EHBP1: variants seen among roughly 807,000 people sequenced by gnomAD.
EHBP1 encodes EH domain binding protein 1.
EHBP1 carries 55 observed loss-of-function variants against 144.0 expected under a neutral mutation model. The ratio of observed to expected loss-of-function variants is 0.38; its 90% CI spans 0.31 to 0.48. The LOEUF is 0.48. Among genes scored for constraint, EHBP1 ranks in the 20% least tolerant of loss-of-function variants. The pLI, the probability that EHBP1 is intolerant of heterozygous loss-of-function variation, is 0.98. For synonymous variants in EHBP1, 469 were observed against 472.7 expected (o/e 0.99, Z 0.10); for missense variants, 1,200 against 1,364.2 (o/e 0.88, Z 1.90).
At chr2:62,731,695 C>T (rs533796558) in intron 2 of EHBP1, among the ~76,000 whole-genome samples, 1 of 152,186 alleles carries the variant, frequency 6.6e-6, no homozygotes, top group African/African-American at 2.4e-5. Context: ...TGATGGATTA[C>T]AATGATTTTT....
intron 10 of EHBP1, among the ~76,000 whole-genome samples, chr2:62,924,578 C>T (rs887398173): frequency 6.6e-6 from 1 of 152,118 alleles, no homozygotes; most frequent in Non-Finnish European, 1.5e-5. Flanking sequence ...CTATGAATGA[C>T]TTTATGACAA....
At position 62,874,329 on chromosome 2, in the gene EHBP1, ATTC is replaced by A. The variant is rs1461408618; in HGVS notation, c.999-11_999-9del. The A allele has an allele frequency of 6.6e-7, 1 of 1,524,018 alleles. No individual in the cohort carries two copies. Among genetic ancestry groups the A allele is most frequent in the Non-Finnish European group, 8.9e-7 (1 of 1,126,510 alleles). 94.4% of individuals were successfully genotyped at this position (1,524,018 alleles called of 1,614,324 possible). A position where few individuals can be genotyped will look rare whatever the true frequency, so the allele number is the denominator to read the frequency against. ...ATTTTTTGAGAGACATCTAACAATA[ATTC>A]TTCTTTCACTTAGATCAAATCCTTT... On this transcript the variant is annotated splice_polypyrimidine_tract_variant and intron_variant, in intron 9 of 22. Transcript: ENST00000431489.
At chr2:62,692,064 T>C (rs1051057552) in intron 1 of EHBP1, among the ~76,000 whole-genome samples, 2 of 152,194 alleles carry the variant, frequency 1.3e-5, no homozygotes, top group Admixed American at 1.3e-4. Flanking sequence ...AACTCCTTCA[T>C]GTGCCTGAAC....
At chr2:62,954,726 A>G (rs1257681941) in intron 13 of EHBP1, among the ~76,000 whole-genome samples, 1 of 152,158 alleles carries the variant, frequency 6.6e-6, no homozygotes, top group African/African-American at 2.4e-5. Flanking sequence ...CTTATGATTG[A>G]ACCAAAACTA....
chr2:62,968,311 T>A (rs1211398328), intron 14 of EHBP1, among the ~76,000 whole-genome samples: 1 of 152,178 alleles, frequency 6.6e-6, no homozygotes, highest in Admixed American at 6.5e-5. Flanking sequence ...TAAAGGGTTC[T>A]TTGGGTGGCT....
intron 2 of EHBP1, among the ~76,000 whole-genome samples, chr2:62,718,285 T>A (rs1349314793): frequency 6.6e-6 from 1 of 152,226 alleles, no homozygotes; most frequent in Non-Finnish European, 1.5e-5. Flanking sequence ...TTTTGTGCTG[T>A]CTAGTACAGA....
intron 2 of EHBP1, among the ~76,000 whole-genome samples, chr2:62,725,083 C>T (rs1205374962): frequency 6.6e-6 from 1 of 152,212 alleles, no homozygotes; most frequent in Non-Finnish European, 1.5e-5. Context: ...AACTCCTGGA[C>T]TGTGTGCTCT....
intron 7 of EHBP1, among the ~76,000 whole-genome samples, chr2:62,842,535 C>A (rs1013740884): frequency 1.3e-5 from 2 of 152,026 alleles, no homozygotes; most frequent in Admixed American, 6.6e-5. Flanking sequence ...ACATTCAGAC[C>A]GTAATATACC....
intron 1 of EHBP1, among the ~76,000 whole-genome samples, chr2:62,684,121 G>A (rs71422358): frequency 0.017 from 2,563 of 152,304 alleles, 29 homozygotes; most frequent in Non-Finnish European, 0.026. Context: ...GAGAGTATAT[G>A]GGTGTGCACA....
chr2:63,021,049 C>T (rs2153276816), intron 19 of EHBP1, among the ~76,000 whole-genome samples: 1 of 144,030 alleles, frequency 6.9e-6, no homozygotes, highest in African/African-American at 2.6e-5. Flanking sequence ...TCTCAAACTC[C>T]TGGACTCGTG....
chr2:62,830,523 T>C (rs2046754326), intron 6 of EHBP1, among the ~76,000 whole-genome samples: 1 of 152,190 alleles, frequency 6.6e-6, no homozygotes. Context: ...TTTGTTTGAC[T>C]TCCTTGTAGA....
intron 3 of EHBP1, among the ~76,000 whole-genome samples, chr2:62,759,489 TCCAC>T: frequency 6.6e-6 from 1 of 152,268 alleles, no homozygotes; most frequent in Non-Finnish European, 1.5e-5. Flanking sequence ...CACTGTAGCC[TCCAC>T]CTCCCTGGTT....
intron 5 of EHBP1, among the ~76,000 whole-genome samples, chr2:62,817,793 AAG>A (rs142317859): frequency 0.085 from 12,948 of 152,132 alleles, 714 homozygotes; most frequent in Non-Finnish European, 0.12. Flanking sequence ...AAATTGAAAA[AAG>A]AGGTTTATTA....
chr2:62,946,768 A>G (rs1231528630), intron 12 of EHBP1, among the ~76,000 whole-genome samples: 2 of 152,230 alleles, frequency 1.3e-5, no homozygotes, highest in Non-Finnish European at 2.9e-5. Flanking sequence ...AAAGTCCTTT[A>G]TAAAGCCTTA....
intron 10 of EHBP1, among the ~76,000 whole-genome samples, chr2:62,931,185 A>G (rs1185975406): frequency 2.6e-5 from 4 of 152,212 alleles, no homozygotes; most frequent in Non-Finnish European, 5.9e-5. Context: ...ACCAAAAACC[A>G]AACAACCCAG....
chr2:62,937,918 G>A (rs796952535), intron 10 of EHBP1, among the ~76,000 whole-genome samples: 1 of 152,158 alleles, frequency 6.6e-6, no homozygotes, highest in South Asian at 2.1e-4. Context: ...GCTATGACAT[G>A]GGTTGGTTAC....
At chr2:62,751,908 A>G (rs1158852372) in intron 3 of EHBP1, among the ~76,000 whole-genome samples, 2 of 150,560 alleles carry the variant, frequency 1.3e-5, no homozygotes, top group Admixed American at 6.6e-5. Context: ...CGGTCTATCA[A>G]TTTTGTTGAT....
At chr2:62,969,133 T>A (rs1158876360) in intron 14 of EHBP1, among the ~76,000 whole-genome samples, 1 of 152,200 alleles carries the variant, frequency 6.6e-6, no homozygotes, top group Non-Finnish European at 1.5e-5. Flanking sequence ...GTTCTACTAA[T>A]GCAAATTGAA....
At chr2:62,734,272 G>T (rs1241268348) in intron 2 of EHBP1, among the ~76,000 whole-genome samples, 1 of 151,362 alleles carries the variant, frequency 6.6e-6, no homozygotes, top group Non-Finnish European at 1.5e-5. Context: ...CTCTATCCAG[G>T]CTTATAGAAA....
Sources: allele counts gnomAD v4.1 joint callset (sites outside exome capture counted in the v4.1 genomes callset), GRCh38; gene constraint gnomAD v4.1.1; transcripts MANE v1.5; gene names NCBI Gene and HGNC (gene_info 2026-07-23, HGNC 2026-07-21).